Variants in PIK3CB observed in about 807,000 individuals in gnomAD.
PIK3CB encodes phosphatidylinositol-4,5-bisphosphate 3-kinase catalytic subunit beta.
A neutral mutation model predicts 136.8 loss-of-function variants in PIK3CB; 39 were observed. The observed-to-expected ratio is 0.29, with a 90% CI of 0.22 to 0.37. The LOEUF is 0.37. Ranked by LOEUF, PIK3CB falls within the 10% of genes least tolerant of loss-of-function variation. The pLI, the probability that PIK3CB is intolerant of heterozygous loss-of-function variation, is 1.00. For synonymous variants in PIK3CB, 428 were observed against 436.6 expected, an observed-to-expected ratio of 0.98 and a Z score of 0.25; for missense variants, 868 against 1,275.4, an observed-to-expected ratio of 0.68 and a Z score of 4.87.
At chr3:138,784,663 G>A (rs959509560) in intron 2 of PIK3CB, among the ~76,000 whole-genome samples, 1 of 152,188 alleles carries the variant, frequency 6.6e-6, no homozygotes, top group African/African-American at 2.4e-5. Context: ...GCTCCTGACC[G>A]CGAGTGATCT....
chr3:138,660,668 T>C (rs930014986), intron 21 of PIK3CB, among the ~76,000 whole-genome samples: 1 of 152,210 alleles, frequency 6.6e-6, no homozygotes, highest in African/African-American at 2.4e-5. Flanking sequence ...ATATATTGTA[T>C]TCCTGAAAAC....
chr3:138,668,061 T>C (rs2043452929), intron 19 of PIK3CB, among the ~76,000 whole-genome samples: 1 of 151,518 alleles, frequency 6.6e-6, no homozygotes, highest in African/African-American at 2.4e-5. Flanking sequence ...AGAGCAAAAC[T>C]CCATCTCAGA....
chr3:138,826,817 C>T (rs1237397529), intron 1 of PIK3CB, among the ~76,000 whole-genome samples: 1 of 152,094 alleles, frequency 6.6e-6, no homozygotes, highest in Non-Finnish European at 1.5e-5. Context: ...GCCTGTAATC[C>T]CAGCACTTTG....
chr3:138,798,544 G>A (rs1559882898), intron 1 of PIK3CB, among the ~76,000 whole-genome samples: 1 of 152,148 alleles, frequency 6.6e-6, no homozygotes, highest in Non-Finnish European at 1.5e-5. Context: ...AGTTTCCTAG[G>A]TGGGGTGGAG....
intron 19 of PIK3CB, among the ~76,000 whole-genome samples, chr3:138,671,859 T>C (rs1031391595): frequency 5.3e-5 from 8 of 152,220 alleles, no homozygotes; most frequent in Middle Eastern, 3.2e-3. Context: ...GGTTGTACAA[T>C]CTAAACTAAT....
intron 1 of PIK3CB, among the ~76,000 whole-genome samples, chr3:138,799,805 G>C (rs1227693807): frequency 1.3e-5 from 2 of 151,934 alleles, no homozygotes; most frequent in Non-Finnish European, 2.9e-5. Flanking sequence ...AGCCTCCCTA[G>C]TAGCTGAGAC....
chr3:138,693,261 T>C (rs114309349), intron 14 of PIK3CB, among the ~76,000 whole-genome samples: 2,591 of 152,110 alleles, frequency 0.017, 83 homozygotes, highest in African/African-American at 0.053. Flanking sequence ...GCCCAGCTAA[T>C]GTCTCTGTAT....
chr3:138,696,230 T>A (rs187245), intron 13 of PIK3CB, among the ~76,000 whole-genome samples: 75,835 of 149,946 alleles, frequency 0.51, 21,738 homozygotes, highest in East Asian at 0.98. Context: ...TTGTCCAGCC[T>A]GGAGTGCAGT....
At position 138,799,079 on chromosome 3, in the gene PIK3CB, G is replaced by A. The variant is rs150526410; in HGVS notation, c.-121-2512C>T. Among the ~76,000 whole-genome samples the A allele has an allele frequency of 6.0e-3, 918 of 151,970 alleles. 13 individuals carry two copies. Among genetic ancestry groups the A allele is most frequent in the South Asian group, 0.036 (173 of 4,804 alleles). On this transcript the variant is annotated intron_variant, in intron 1 of 23. Transcript: ENST00000674063. ...TCTACTAAAAATACAAAAATTAGCC[G>A]GGCGTGGTGGTGTATGCCTATAATC...
At chr3:138,769,367 T>C (rs2045772736) in intron 2 of PIK3CB, among the ~76,000 whole-genome samples, 2 of 152,246 alleles carry the variant, frequency 1.3e-5, no homozygotes, top group South Asian at 4.1e-4. Flanking sequence ...TTTGGCTATG[T>C]TGTTTTTGGC....
intron 2 of PIK3CB, among the ~76,000 whole-genome samples, chr3:138,794,343 G>A (rs2046085751): frequency 6.6e-6 from 1 of 152,114 alleles, no homozygotes; most frequent in South Asian, 2.1e-4. Context: ...ATGAATTACA[G>A]GTGCAGAGTG....
chr3:138,753,450 G>A (rs1424999691), intron 4 of PIK3CB, among the ~76,000 whole-genome samples: 1 of 152,166 alleles, frequency 6.6e-6, no homozygotes, highest in East Asian at 1.9e-4. Flanking sequence ...GAACCTGGGA[G>A]GCAGAGGTTG....
chr3:138,785,217 G>A (rs1045784224), intron 2 of PIK3CB, among the ~76,000 whole-genome samples: 1 of 149,714 alleles, frequency 6.7e-6, no homozygotes, highest in African/African-American at 2.4e-5. Flanking sequence ...CCGGCCAGCC[G>A]CCCTGTCCCG....
At chr3:138,814,908 C>G (rs1933233451) in intron 1 of PIK3CB, among the ~76,000 whole-genome samples, 2 of 151,918 alleles carry the variant, frequency 1.3e-5, no homozygotes, top group African/African-American at 4.8e-5. Flanking sequence ...GAGGCCAAGG[C>G]AGGCGGATCA....
chr3:138,741,195 A>C (rs544426583), intron 5 of PIK3CB, among the ~76,000 whole-genome samples: 1 of 152,350 alleles, frequency 6.6e-6, no homozygotes, highest in East Asian at 1.9e-4. Context: ...CTGTCCTAAC[A>C]AATACTTATT....
intron 1 of PIK3CB, among the ~76,000 whole-genome samples, chr3:138,828,865 G>A (rs1157060873): frequency 6.6e-6 from 1 of 151,944 alleles, no homozygotes; most frequent in African/African-American, 2.4e-5. Context: ...TTGGCTCACT[G>A]CAACCTCCGC....
chr3:138,705,186 C>CAAAAAAA (rs1192112636), intron 11 of PIK3CB, among the ~76,000 whole-genome samples: 13 of 55,072 alleles, frequency 2.4e-4, no homozygotes, highest in East Asian at 2.6e-3. Context: ...AAAAACAAAA[C>CAAAAAAA]AAACAAAAAA....
At chr3:138,664,969 T>C in intron 20 of PIK3CB, 67 bp downstream of exon 20, 4 of 1,064,920 alleles carry the variant, frequency 3.8e-6, no homozygotes, top group South Asian at 1.9e-5. Flanking sequence ...CTGACTTCTA[T>C]TGGGAGCATA....
At chr3:138,764,035 C>T (rs1377793608) in intron 2 of PIK3CB, among the ~76,000 whole-genome samples, 3 of 149,832 alleles carry the variant, frequency 2.0e-5, no homozygotes, top group Non-Finnish European at 4.4e-5. Context: ...CGCTTGAACT[C>T]GGGAGGCGGA....
Sources: allele counts gnomAD v4.1 joint callset (sites outside exome capture counted in the v4.1 genomes callset), GRCh38; gene constraint gnomAD v4.1.1; transcripts MANE v1.5; gene names NCBI Gene and HGNC (gene_info 2026-07-23, HGNC 2026-07-21).